QKI: variants seen among roughly 807,000 people sequenced by gnomAD.
The protein encoded by QKI is KH domain-containing RNA-binding protein QKI.
QKI carries 10 observed loss-of-function variants against 39.0 expected under a neutral mutation model. That is an observed-to-expected ratio of 0.26 (90% CI 0.16 to 0.43). QKI has a LOEUF of 0.43. QKI is among the 20% of genes least tolerant of loss of function. QKI has a pLI of 1.00. For missense variants in QKI, 218 were observed against 428.0 expected (o/e 0.51, Z 4.33); for synonymous variants, 204 against 155.4 (o/e 1.31, Z -2.33).
At chr6:163,515,382 A>ATT (rs1340240130) in intron 3 of QKI, among the ~76,000 whole-genome samples, 1 of 152,074 alleles carries the variant, frequency 6.6e-6, no homozygotes, top group African/African-American at 2.4e-5. Flanking sequence ...GTTTCTTAAG[A>ATT]AACTCTTGTC....
intron 1 of QKI, among the ~76,000 whole-genome samples, chr6:163,442,335 G>A (rs923618450): frequency 2.0e-5 from 3 of 152,080 alleles, no homozygotes; most frequent in Admixed American, 6.6e-5. Context: ...AATTTCTAGC[G>A]TGGTAAGTTT....
At chr6:163,553,067 TTTATTTATTTATTTATTTATTTATTTA>T (rs1782356991) in intron 4 of QKI, among the ~76,000 whole-genome samples, 4 of 5,132 alleles carry the variant, frequency 7.8e-4, no homozygotes, top group Non-Finnish European at 1.0e-3. Context: ...TTAATTTTTA[TTTATTTATTTATTTATTTATTTATTTA>T]TTTATTTATT....
At chr6:163,469,838 G>C (rs1792051676) in intron 2 of QKI, among the ~76,000 whole-genome samples, 1 of 152,134 alleles carries the variant, frequency 6.6e-6, no homozygotes, top group African/African-American at 2.4e-5. Context: ...CATGTTGATA[G>C]ATTTTCTGTT....
intron 2 of QKI, among the ~76,000 whole-genome samples, chr6:163,459,479 A>G (rs1339416441): frequency 6.6e-6 from 1 of 152,168 alleles, no homozygotes; most frequent in African/African-American, 2.4e-5. Flanking sequence ...CTGGACCCAA[A>G]TGTCAGTAGT....
At chr6:163,489,181 A>G (rs1276677800) in intron 3 of QKI, among the ~76,000 whole-genome samples, 1 of 151,216 alleles carries the variant, frequency 6.6e-6, no homozygotes, top group Non-Finnish European at 1.5e-5. Context: ...TGCCGTTACA[A>G]AAAGGTATAG....
intron 3 of QKI, among the ~76,000 whole-genome samples, chr6:163,503,713 A>C (rs1778923509): frequency 6.6e-6 from 1 of 151,820 alleles, no homozygotes; most frequent in African/African-American, 2.4e-5. Flanking sequence ...CTTACATTTT[A>C]ATCTTTAATC....
At chr6:163,431,682 A>G (rs949915128) in intron 1 of QKI, among the ~76,000 whole-genome samples, 2 of 151,996 alleles carry the variant, frequency 1.3e-5, no homozygotes, top group African/African-American at 4.8e-5. Flanking sequence ...AGAATATATT[A>G]TCTCCCCTCA....
chr6:163,569,741 A>T, intron 7 of QKI: 1 of 992,766 alleles, frequency 1.0e-6, no homozygotes, highest in Non-Finnish European at 1.2e-6. Context: ...ATAAAGCAGG[A>T]ATGTATATGA....
At chr6:163,454,160 C>T (rs1252831178) in intron 1 of QKI, among the ~76,000 whole-genome samples, 1 of 152,106 alleles carries the variant, frequency 6.6e-6, no homozygotes, top group Non-Finnish European at 1.5e-5. Flanking sequence ...CTGCATCTGG[C>T]TAACCTTAAT....
intron 6 of QKI, chr6:163,564,387 TAA>T: frequency 1.6e-6 from 2 of 1,271,938 alleles, no homozygotes; most frequent in Non-Finnish European, 2.0e-6. Context: ...CCACATAGTA[TAA>T]GTGGTCCGTT....
At chr6:163,530,823 G>T (rs181429851) in intron 3 of QKI, among the ~76,000 whole-genome samples, 14 of 152,192 alleles carry the variant, frequency 9.2e-5, no homozygotes, top group Admixed American at 2.6e-4. Context: ...TGAAGTGTCC[G>T]CTTCATTTAT....
At chr6:163,439,839 T>G (rs2757579) in intron 1 of QKI, among the ~76,000 whole-genome samples, 51,588 of 151,450 alleles carry the variant, frequency 0.34, 9,441 homozygotes, top group African/African-American at 0.45. Flanking sequence ...TAGTAAAGAT[T>G]GAGTTTTGCC....
chr6:163,426,134 T>G (rs775504316), intron 1 of QKI, among the ~76,000 whole-genome samples: 6 of 152,188 alleles, frequency 3.9e-5, no homozygotes, highest in Non-Finnish European at 5.9e-5. Flanking sequence ...TTCAGATTTC[T>G]GTAGTGGATC....
At chr6:163,462,186 G>T (rs1219441464) in intron 2 of QKI, among the ~76,000 whole-genome samples, 1 of 152,144 alleles carries the variant, frequency 6.6e-6, no homozygotes, top group East Asian at 1.9e-4. Flanking sequence ...GAACTCCTGG[G>T]CTCAAGCAAT....
At chr6:163,504,676 C>T (rs1241738619) in intron 3 of QKI, among the ~76,000 whole-genome samples, 2 of 152,132 alleles carry the variant, frequency 1.3e-5, no homozygotes, top group African/African-American at 4.8e-5. Context: ...AGGAATGCAA[C>T]TGATTTTTGT....
chr6:163,550,948 CAAA>C (rs398003272), intron 4 of QKI, among the ~76,000 whole-genome samples: 1 of 136,422 alleles, frequency 7.3e-6, no homozygotes, highest in Admixed American at 7.3e-5. Flanking sequence ...CTCTGTCTCA[CAAA>C]AAAAAAAAAA....
At chr6:163,444,375 G>C (rs1789989279) in intron 1 of QKI, among the ~76,000 whole-genome samples, 1 of 152,196 alleles carries the variant, frequency 6.6e-6, no homozygotes, top group African/African-American at 2.4e-5. Flanking sequence ...TGGCGAAACA[G>C]GAGTAAAATC....
chr6:163,480,985 CACAG>C (rs1185579272), intron 3 of QKI, among the ~76,000 whole-genome samples: 3 of 152,150 alleles, frequency 2.0e-5, no homozygotes, highest in African/African-American at 7.2e-5. Flanking sequence ...TTCAAGCCCT[CACAG>C]ACAATGAGCA....
chr6:163,414,971 C>A lies in QKI; in HGVS notation c.-223C>A, dbSNP rs1228127893. 1 of 217,242 alleles carries A rather than the reference C, an allele frequency of 4.6e-6. No individual in the cohort carries two copies. The highest frequency in any genetic ancestry group is 7.6e-6 in the Non-Finnish European group (1 of 131,004). The allele number at this position is 217,242 out of a possible 1,614,324, so 13.5% of individuals were successfully genotyped here. ...CGAGCCGGGCGGCCGAGAGCGGCGGCGGCTGGGAGCGCGTCGGGCCCGGGC... is the reference window on the plus strand; with the variant it reads ...CGAGCCGGGCGGCCGAGAGCGGCGGAGGCTGGGAGCGCGTCGGGCCCGGGC... On this transcript the variant is annotated 5_prime_UTR_variant, in exon 1 of 8. Transcript: ENST00000361752.
Sources: allele counts gnomAD v4.1 joint callset (sites outside exome capture counted in the v4.1 genomes callset), GRCh38; gene constraint gnomAD v4.1.1; transcripts MANE v1.5; gene names NCBI Gene and HGNC (gene_info 2026-07-23, HGNC 2026-07-21).